Variants in OPCML observed in about 807,000 individuals in gnomAD.
The protein encoded by OPCML is opioid-binding protein/cell adhesion molecule.
Under a neutral mutation model 37.8 loss-of-function variants are expected in OPCML, and 13 were observed. The observed-to-expected ratio is 0.34, with a 90% confidence interval of 0.22 to 0.55. OPCML has a LOEUF of 0.55. OPCML is among the 20% of genes least tolerant of loss of function. The pLI is 0.91. For synonymous variants in OPCML, 176 were observed against 168.8 expected, an observed-to-expected ratio of 1.04 and a Z score of -0.33; for missense variants, 341 against 435.6, an observed-to-expected ratio of 0.78 and a Z score of 1.93.
intron 2 of OPCML, among the ~76,000 whole-genome samples, chr11:132,709,853 C>T (rs1268061762): frequency 5.9e-5 from 9 of 152,170 alleles, no homozygotes; most frequent in Admixed American, 5.9e-4. Context: ...TGCGAATATC[C>T]TGCTTCTCTT....
chr11:132,734,442 T>C (rs904784068), intron 2 of OPCML, among the ~76,000 whole-genome samples: 3 of 152,134 alleles, frequency 2.0e-5, no homozygotes, highest in Non-Finnish European at 4.4e-5. Flanking sequence ...AGCAGACCAA[T>C]AAATCCACAA....
chr11:133,520,055 C>T (rs565543704), intron 1 of OPCML, among the ~76,000 whole-genome samples: 2 of 152,084 alleles, frequency 1.3e-5, no homozygotes, highest in South Asian at 2.1e-4. Flanking sequence ...TTTTCTAGTC[C>T]CAAAGGAGGG....
At chr11:133,363,647 A>G (rs1390554755) in intron 1 of OPCML, among the ~76,000 whole-genome samples, 1 of 152,160 alleles carries the variant, frequency 6.6e-6, no homozygotes, top group Non-Finnish European at 1.5e-5. Flanking sequence ...CCTGCATGGA[A>G]AGCAACACCT....
intron 1 of OPCML, chr11:133,418,437 T>C: frequency 1.0e-6 from 1 of 985,238 alleles, no homozygotes; most frequent in South Asian, 4.7e-5. Flanking sequence ...GAAGAGGGAG[T>C]CTTAAATGAC....
intron 2 of OPCML, among the ~76,000 whole-genome samples, chr11:132,704,499 G>A (rs1943955288): frequency 6.6e-6 from 1 of 152,156 alleles, no homozygotes; most frequent in African/African-American, 2.4e-5. Flanking sequence ...CCCAAAAAAT[G>A]CCTTTGAGGG....
At chr11:133,082,786 C>A (rs1397424935) in intron 1 of OPCML, among the ~76,000 whole-genome samples, 1 of 147,940 alleles carries the variant, frequency 6.8e-6, no homozygotes, top group East Asian at 2.1e-4. Flanking sequence ...CCCGCCCCGG[C>A]GCCTGGGCCT....
At chr11:132,773,072 G>A (rs1430339250) in intron 2 of OPCML, 1 of 152,234 alleles carries the variant, frequency 6.6e-6, no homozygotes, top group Non-Finnish European at 1.5e-5. Context: ...CAGAGACCTA[G>A]GGAGGGGCAG....
chr11:133,290,107 G>A (rs941479382), intron 1 of OPCML, among the ~76,000 whole-genome samples: 2 of 152,176 alleles, frequency 1.3e-5, no homozygotes, highest in African/African-American at 4.8e-5. Context: ...AAGGCTGCAT[G>A]CTTCTGAATG....
intron 1 of OPCML, among the ~76,000 whole-genome samples, chr11:133,196,474 G>A (rs1198864910): frequency 6.6e-6 from 1 of 152,156 alleles, no homozygotes; most frequent in Non-Finnish European, 1.5e-5. Flanking sequence ...AAGCCCCTTG[G>A]TGAAGGCTAT....
intron 3 of OPCML, among the ~76,000 whole-genome samples, chr11:132,596,924 A>G (rs2096493332): frequency 6.6e-6 from 1 of 152,196 alleles, no homozygotes. Context: ...ATTTTTGCTT[A>G]CACAGATATC....
chr11:132,422,077 CAT>C (rs750646778), intron 7 of OPCML, among the ~76,000 whole-genome samples: 1 of 151,912 alleles, frequency 6.6e-6, no homozygotes, highest in Non-Finnish European at 1.5e-5. Context: ...ATTTTCATGA[CAT>C]ATATGGCATA....
At chr11:132,713,613 A>G (rs3018393) in intron 2 of OPCML, among the ~76,000 whole-genome samples, 113,478 of 152,178 alleles carry the variant, frequency 0.75, 42,506 homozygotes, top group Non-Finnish European at 0.77. Context: ...TGATGTATTC[A>G]GTTCTCCTCC....
chr11:133,468,445 G>A (rs1055272279), intron 1 of OPCML, among the ~76,000 whole-genome samples: 2 of 152,220 alleles, frequency 1.3e-5, no homozygotes, highest in African/African-American at 2.4e-5. Flanking sequence ...GACTGTGACT[G>A]CTGCGGCAGC....
chr11:132,962,533 T>C (rs907881832), intron 1 of OPCML, among the ~76,000 whole-genome samples: 1 of 152,252 alleles, frequency 6.6e-6, no homozygotes, highest in African/African-American at 2.4e-5. Flanking sequence ...ACAGAAATTG[T>C]GGACCAAAGG....
At chr11:132,800,282 T>C (rs1438123556) in intron 2 of OPCML, among the ~76,000 whole-genome samples, 1 of 152,224 alleles carries the variant, frequency 6.6e-6, no homozygotes, top group Non-Finnish European at 1.5e-5. Flanking sequence ...TGCTTAACTC[T>C]TTTAGCAGTT....
chr11:133,204,868 G>GTATATATATATATATA (rs57658806), intron 1 of OPCML, among the ~76,000 whole-genome samples: 30 of 117,292 alleles, frequency 2.6e-4, no homozygotes, highest in Non-Finnish European at 4.0e-4. Context: ...ATATATATGT[G>GTATATATATATATATA]TATATATATA....
chr11:132,446,285 A>T (rs1236801408), intron 4 of OPCML, among the ~76,000 whole-genome samples: 1 of 140,750 alleles, frequency 7.1e-6, no homozygotes, highest in East Asian at 2.5e-4. Context: ...ATGAAAGTGC[A>T]GTATGTGTGC....
At chr11:133,129,624 T>A (rs1373822347) in intron 1 of OPCML, among the ~76,000 whole-genome samples, 2 of 152,186 alleles carry the variant, frequency 1.3e-5, no homozygotes, top group Non-Finnish European at 2.9e-5. Context: ...AAGCAAGGAC[T>A]GGGTGTGGTG....
intron 1 of OPCML, among the ~76,000 whole-genome samples, chr11:133,016,577 G>A (rs1947339855): frequency 6.6e-6 from 1 of 152,308 alleles, no homozygotes; most frequent in Middle Eastern, 3.4e-3. Flanking sequence ...CCTATTTCAA[G>A]GTCAACTGTG....
Sources: gnomAD v4.1 joint callset for allele counts (sites outside exome capture counted in the v4.1 genomes callset) on GRCh38, gnomAD v4.1.1 for gene constraint, MANE v1.5 for transcripts, NCBI Gene and HGNC (gene_info 2026-07-23, HGNC 2026-07-21) for gene names.